The following ARHGEF3 variants were observed in gnomAD, a reference collection of about 807,000 sequenced individuals.
The protein encoded by ARHGEF3 is 59.8 kDA protein.
Under a neutral mutation model 63.2 loss-of-function variants are expected in ARHGEF3, and 28 were observed. The observed-to-expected ratio is 0.44, with a 90% CI of 0.33 to 0.61. The LOEUF (loss-of-function observed/expected upper bound fraction) is 0.61, where lower values mean the gene tolerates loss of function less well. Ranked by LOEUF, ARHGEF3 falls within the 20% of genes least tolerant of loss-of-function variation. The pLI is 0.03. For synonymous variants in ARHGEF3, 266 were observed against 254.2 expected, an observed-to-expected ratio of 1.05 and a Z score of -0.44; for missense variants, 533 against 659.3, an observed-to-expected ratio of 0.81 and a Z score of 2.10.
At chr3:56,957,823 A>C (rs1700108660) in intron 3 of ARHGEF3, among the ~76,000 whole-genome samples, 1 of 152,184 alleles carries the variant, frequency 6.6e-6, no homozygotes, top group African/African-American at 2.4e-5. Flanking sequence ...CTGGAAGTGA[A>C]AAAGAGCTCA....
intron 3 of ARHGEF3, among the ~76,000 whole-genome samples, chr3:56,943,842 G>A (rs1217923272): frequency 6.6e-6 from 1 of 151,388 alleles, no homozygotes; most frequent in Non-Finnish European, 1.5e-5. Context: ...TTGAACCGGG[G>A]AGGCAGAGGT....
intron 3 of ARHGEF3, chr3:56,916,361 C>T: frequency 6.5e-7 from 1 of 1,534,564 alleles, no homozygotes; most frequent in Non-Finnish European, 8.7e-7. Flanking sequence ...TGACCTCATC[C>T]ACCCGGACTC....
intron 2 of ARHGEF3, among the ~76,000 whole-genome samples, chr3:57,010,908 A>G (rs1702671768): frequency 6.6e-6 from 1 of 152,262 alleles, no homozygotes; most frequent in South Asian, 2.1e-4. Context: ...TTAGAAAGAA[A>G]GATTAAAAGC....
chr3:56,836,851 T>C (rs1448401079), intron 4 of ARHGEF3, among the ~76,000 whole-genome samples: 1 of 152,060 alleles, frequency 6.6e-6, no homozygotes, highest in East Asian at 1.9e-4. Context: ...CACCTGAGCC[T>C]GAGAGGTCGA....
Position 56,993,073 on chromosome 3 carries a change from G to A in ARHGEF3, c.63-34184C>T, listed in dbSNP as rs149197742. ...TGGCCTCGAATTCCTGACTTCAGGCGATCTGTCTGCCTTGGCCTCCCAAAG... is the reference window on the plus strand; with the variant it reads ...TGGCCTCGAATTCCTGACTTCAGGCAATCTGTCTGCCTTGGCCTCCCAAAG... On this transcript the variant is annotated intron_variant, in intron 2 of 12. Transcript: ENST00000338458. Among the ~76,000 whole-genome samples the A allele has an allele frequency of 2.5e-3, 380 of 152,234 alleles. 2 individuals are homozygous for A. The Middle Eastern group carries it at 0.041, about 16-fold the overall frequency.
chr3:56,959,009 G>A, intron 2 of ARHGEF3: 1 of 1,054,732 alleles, frequency 9.5e-7, no homozygotes, highest in Middle Eastern at 2.0e-4. Flanking sequence ...CAAACAAGGT[G>A]GATGGAGTTT....
chr3:56,890,097 A>T (rs1206290614), intron 3 of ARHGEF3, among the ~76,000 whole-genome samples: 1 of 152,174 alleles, frequency 6.6e-6, no homozygotes, highest in Non-Finnish European at 1.5e-5. Flanking sequence ...ATAATTGTTT[A>T]AAATCATATG....
At chr3:56,879,820 C>T (rs1247116675) in intron 4 of ARHGEF3, among the ~76,000 whole-genome samples, 1 of 152,162 alleles carries the variant, frequency 6.6e-6, no homozygotes, top group East Asian at 1.9e-4. Flanking sequence ...CTTATTAGAG[C>T]AATTAATTTA....
In ARHGEF3 at chr3:56,931,503, G is replaced by A. The variant is rs970337039; in HGVS notation, c.129+27320C>T. Reference sequence around the variant, plus strand: ...AGGTGGGAGGATCACCTGAGCCCAGGAGGTCAAGGCTGCAGTGAGCCATGA... The same window carrying A: ...AGGTGGGAGGATCACCTGAGCCCAGAAGGTCAAGGCTGCAGTGAGCCATGA... On this transcript the variant is annotated intron_variant, in intron 3 of 12. Transcript: ENST00000338458. Among the ~76,000 whole-genome samples the A allele has an allele frequency of 2.1e-5, 3 of 143,308 alleles. No homozygotes were observed. The East Asian group carries it at 6.5e-4, about 31-fold the overall frequency. 94.0% of individuals were successfully genotyped at this position (143,308 alleles called of 152,430 possible).
chr3:57,000,292 T>G (rs1328014208), intron 2 of ARHGEF3, among the ~76,000 whole-genome samples: 1 of 120,280 alleles, frequency 8.3e-6, no homozygotes, highest in Non-Finnish European at 1.8e-5. Context: ...GTAAAGTCCT[T>G]TTTTTAGAGG....
chr3:56,746,263 G>A (rs1191410224), intron 6 of ARHGEF3, among the ~76,000 whole-genome samples: 1 of 152,210 alleles, frequency 6.6e-6, no homozygotes, highest in Admixed American at 6.5e-5. Flanking sequence ...CTGCTCTTCA[G>A]AGGGATTCAG....
chr3:56,904,331 T>A (rs1207629451), intron 3 of ARHGEF3, among the ~76,000 whole-genome samples: 6 of 152,254 alleles, frequency 3.9e-5, no homozygotes, highest in African/African-American at 1.2e-4. Context: ...GCACCCAGCC[T>A]TTTAAAAAAT....
intron 3 of ARHGEF3, among the ~76,000 whole-genome samples, chr3:56,906,480 G>C (rs1371843606): frequency 6.6e-6 from 1 of 152,010 alleles, no homozygotes; most frequent in Non-Finnish European, 1.5e-5. Flanking sequence ...CTAAAGACTT[G>C]GTACGAAAAA....
chr3:56,985,962 G>C (rs1701520304), intron 2 of ARHGEF3, among the ~76,000 whole-genome samples: 1 of 152,196 alleles, frequency 6.6e-6, no homozygotes, highest in Non-Finnish European at 1.5e-5. Flanking sequence ...GGCTCCCAGA[G>C]AAGGCCCTGT....
rs1210952718 is a variant in ARHGEF3 at position 56,963,145 on chromosome 3, T to A, written c.63-4256A>T. On this transcript the variant is annotated intron_variant, in intron 2 of 12. Coordinates refer to the ARHGEF3 transcript ENST00000338458. Reference sequence around the variant, plus strand: ...CTCTCTACTCCCTCTGAGCCTCCATTTTCTCATCTGTAAAGTGGGGCTAAT... The same window carrying A: ...CTCTCTACTCCCTCTGAGCCTCCATATTCTCATCTGTAAAGTGGGGCTAAT... Among the ~76,000 whole-genome samples, 3 of 152,054 alleles carry A rather than the reference T, an allele frequency of 2.0e-5. No homozygotes were observed. In the East Asian group the frequency reaches 5.8e-4, roughly 29 times the overall value.
At chr3:56,866,908 A>C (rs1055238814) in intron 4 of ARHGEF3, among the ~76,000 whole-genome samples, 1 of 152,252 alleles carries the variant, frequency 6.6e-6, no homozygotes, top group African/African-American at 2.4e-5. Context: ...AACTGAGTTA[A>C]GTGTAGCACT....
Position 56,908,120 on chromosome 3 carries a change from A to G in ARHGEF3, c.130-25766T>C, listed in dbSNP as rs74849743. ...GGGCAACAAAAGGAGAAAGGGCTAC[A>G]ATGATCCTGATGACAAAGGATCAAC... On this transcript the variant is annotated intron_variant, in intron 3 of 12. Coordinates refer to the ARHGEF3 transcript ENST00000338458. Among the ~76,000 whole-genome samples the G allele has an allele frequency of 4.8e-3, 730 of 152,342 alleles. 2 individuals carry two copies. The highest frequency in any genetic ancestry group is 0.017 in the African/African-American group (701 of 41,572).
chr3:56,953,522 G>A (rs1366291331), intron 3 of ARHGEF3, among the ~76,000 whole-genome samples: 4 of 152,148 alleles, frequency 2.6e-5, no homozygotes, highest in Non-Finnish European at 5.9e-5. Flanking sequence ...TTGAGCAGCT[G>A]CCCCTTCCCC....
chr3:57,074,007 C>T (rs1362543689), intron 1 of ARHGEF3: 1 of 1,614,206 alleles, frequency 6.2e-7, no homozygotes, highest in South Asian at 1.1e-5. Flanking sequence ...TCTGGGAAGA[C>T]CCTCTTCACC....
Sources: allele counts gnomAD v4.1 joint callset (sites outside exome capture counted in the v4.1 genomes callset), GRCh38; gene constraint gnomAD v4.1.1; transcripts MANE v1.5; gene names NCBI Gene and HGNC (gene_info 2026-07-23, HGNC 2026-07-21).